Variants in NRXN3 observed in about 807,000 individuals in gnomAD.
The protein encoded by NRXN3 is neurexin III.
In NRXN3, 32 loss-of-function variants were observed where a neutral mutation model predicts 137.6. The ratio of observed to expected loss-of-function variants is 0.23; its 90% CI spans 0.18 to 0.31. NRXN3 has a LOEUF of 0.31. NRXN3 is among the 10% of genes least tolerant of loss of function. The pLI is 1.00. For missense variants in NRXN3, 1,574 were observed against 2,062.5 expected (o/e 0.76, Z 4.59); for synonymous variants, 798 against 784.5 (o/e 1.02, Z -0.29).
intron 4 of NRXN3, among the ~76,000 whole-genome samples, chr14:78,364,158 G>A (rs894375064): frequency 1.3e-5 from 2 of 152,146 alleles, no homozygotes; most frequent in African/African-American, 4.8e-5. Context: ...TTTATGATTT[G>A]CCTCAGGACA....
intron 15 of NRXN3, among the ~76,000 whole-genome samples, chr14:79,381,174 C>A (rs1343153421): frequency 6.7e-6 from 1 of 149,824 alleles, no homozygotes; most frequent in Non-Finnish European, 1.5e-5. Flanking sequence ...TGGGTGAACA[C>A]GTTAATTAGT....
At chr14:79,325,249 GATGGGAAAGATA>G (rs1309697141) in intron 15 of NRXN3, among the ~76,000 whole-genome samples, 18 of 152,130 alleles carry the variant, frequency 1.2e-4, no homozygotes, top group Admixed American at 1.0e-3. Flanking sequence ...CTGGAGTTCT[GATGGGAAAGATA>G]ATGAGAAGTG....
At chr14:78,469,759 A>C (rs2095220044) in intron 4 of NRXN3, among the ~76,000 whole-genome samples, 1 of 152,194 alleles carries the variant, frequency 6.6e-6, no homozygotes, top group Admixed American at 6.5e-5. Flanking sequence ...TCCCATTCAA[A>C]CCGAGCTTTC....
intron 11 of NRXN3, among the ~76,000 whole-genome samples, chr14:78,962,220 A>G (rs2099409446): frequency 6.6e-6 from 1 of 152,202 alleles, no homozygotes; most frequent in Non-Finnish European, 1.5e-5. Context: ...ATGAATCTTG[A>G]TCAAACTGCT....
intron 4 of NRXN3, among the ~76,000 whole-genome samples, chr14:78,585,551 C>A (rs529706238): frequency 2.6e-5 from 4 of 152,252 alleles, no homozygotes; most frequent in African/African-American, 4.8e-5. Flanking sequence ...AGACTATTGT[C>A]ATAATCCAGG....
At chr14:78,671,994 C>T (rs1317609351) in intron 6 of NRXN3, among the ~76,000 whole-genome samples, 1 of 152,172 alleles carries the variant, frequency 6.6e-6, no homozygotes. Context: ...CCTTTCAAAG[C>T]AGCTTGCCAT....
intron 19 of NRXN3, among the ~76,000 whole-genome samples, chr14:79,776,653 C>T (rs111525252): frequency 2.7e-4 from 41 of 152,214 alleles, no homozygotes; most frequent in African/African-American, 9.9e-4. Flanking sequence ...TGTCAAGGAC[C>T]CTCTGCCTTG....
intron 8 of NRXN3, among the ~76,000 whole-genome samples, chr14:78,716,758 C>G (rs984846277): frequency 2.0e-5 from 3 of 152,140 alleles, no homozygotes; most frequent in Non-Finnish European, 4.4e-5. Context: ...GAACTACAAA[C>G]CCTTTTTACA....
Position 78,240,055 on chromosome 14 carries a change from CT to C in NRXN3, c.-703-2330del, listed in dbSNP as rs536006445. Among the ~76,000 whole-genome samples, 5 of 152,250 alleles carry C rather than the reference CT, an allele frequency of 3.3e-5. No homozygotes were observed. The South Asian group carries it at 8.3e-4, about 25-fold the overall frequency. ...CTCAAATACTCTTTGTGGTGTTTGCCTTTTTTCTGGGGTGTAAATACTCCTT... is the reference window on the plus strand; with the variant it reads ...CTCAAATACTCTTTGTGGTGTTTGCCTTTTTCTGGGGTGTAAATACTCCTT... On this transcript the variant is annotated intron_variant, in intron 1 of 20. Transcript: ENST00000335750.
chr14:79,776,264 A>G (rs1049509718), intron 19 of NRXN3, among the ~76,000 whole-genome samples: 2 of 152,126 alleles, frequency 1.3e-5, no homozygotes, highest in Non-Finnish European at 2.9e-5. Flanking sequence ...AGACTATGAA[A>G]TCCTTGACTG....
At chr14:78,635,608 T>G (rs772622625) in intron 4 of NRXN3, among the ~76,000 whole-genome samples, 6 of 152,200 alleles carry the variant, frequency 3.9e-5, no homozygotes, top group African/African-American at 2.4e-5. Flanking sequence ...TCTGTGTCCC[T>G]CCTAACATTT....
At chr14:79,339,605 A>T (rs2092481733) in intron 15 of NRXN3, among the ~76,000 whole-genome samples, 1 of 152,174 alleles carries the variant, frequency 6.6e-6, no homozygotes, top group Non-Finnish European at 1.5e-5. Context: ...CCCACTTCAG[A>T]TGTAATGAAT....
chr14:79,383,107 A>G (rs1423932622), intron 15 of NRXN3, among the ~76,000 whole-genome samples: 3 of 152,038 alleles, frequency 2.0e-5, no homozygotes, highest in African/African-American at 7.2e-5. Context: ...TGTTTCTTCT[A>G]TTTCTACTGT....
chr14:78,885,031 T>A (rs2099139468), intron 10 of NRXN3, among the ~76,000 whole-genome samples: 2 of 151,740 alleles, frequency 1.3e-5, no homozygotes, highest in South Asian at 4.1e-4. Flanking sequence ...TTATTTGACT[T>A]TAATAAACAG....
At chr14:79,227,377 T>G (rs187439502) in intron 15 of NRXN3, among the ~76,000 whole-genome samples, 2 of 152,250 alleles carry the variant, frequency 1.3e-5, no homozygotes, top group Admixed American at 6.5e-5. Flanking sequence ...GTGTACACTT[T>G]CCCTACATGG....
At chr14:78,594,325 G>C (rs2097141829) in intron 4 of NRXN3, among the ~76,000 whole-genome samples, 1 of 152,196 alleles carries the variant, frequency 6.6e-6, no homozygotes, top group African/African-American at 2.4e-5. Flanking sequence ...GCAGGGTCTG[G>C]GTGGTAGAGA....
At chr14:79,128,980 A>C (rs2057011641) in intron 15 of NRXN3, among the ~76,000 whole-genome samples, 2 of 152,128 alleles carry the variant, frequency 1.3e-5, no homozygotes, top group South Asian at 4.1e-4. Flanking sequence ...TGTTTGTAGT[A>C]TTCTCTGATG....
At chr14:79,097,435 C>T (rs2050551713) in intron 15 of NRXN3, among the ~76,000 whole-genome samples, 1 of 152,132 alleles carries the variant, frequency 6.6e-6, no homozygotes, top group South Asian at 2.1e-4. Flanking sequence ...TCCTGCTGTG[C>T]ACCATGAAGC....
chr14:79,487,990 A>G (rs1156605045), intron 16 of NRXN3, among the ~76,000 whole-genome samples: 2 of 152,144 alleles, frequency 1.3e-5, no homozygotes, highest in Admixed American at 6.5e-5. Context: ...GGGCCTTCAT[A>G]CCTGGGAGGA....
Sources: allele counts gnomAD v4.1 joint callset (sites outside exome capture counted in the v4.1 genomes callset), GRCh38; gene constraint gnomAD v4.1.1; transcripts MANE v1.5; gene names NCBI Gene and HGNC (gene_info 2026-07-23, HGNC 2026-07-21).